The following PBLD variants were observed in gnomAD, a reference collection of about 807,000 sequenced individuals.
PBLD encodes the protein phenazine biosynthesis-like domain-containing protein.
PBLD carries 26 observed loss-of-function variants against 31.3 expected under a neutral mutation model. The observed-to-expected ratio is 0.83, with a 90% CI of 0.61 to 1.15. PBLD has a LOEUF of 1.15. PBLD is among the 50% of genes most tolerant of loss of function. The pLI is 0.00. For synonymous variants in PBLD, 114 were observed against 129.0 expected, an observed-to-expected ratio of 0.88 and a Z score of 0.79; for missense variants, 307 against 351.7, an observed-to-expected ratio of 0.87 and a Z score of 1.02.
intron 1 of PBLD, among the ~76,000 whole-genome samples, chr10:68,322,738 T>C (rs778979279): frequency 3.3e-4 from 50 of 151,530 alleles, no homozygotes; most frequent in South Asian, 1.0e-3. Context: ...CTACCATCAA[T>C]GTAAGATTTG....
At chr10:68,318,346 T>C (rs907441126) in intron 1 of PBLD, among the ~76,000 whole-genome samples, 1 of 127,630 alleles carries the variant, frequency 7.8e-6, no homozygotes, top group African/African-American at 3.0e-5. Flanking sequence ...AAAACCAGTC[T>C]GGGTAACACA....
chr10:68,294,847 C>T (rs2044403938), intron 4 of PBLD, among the ~76,000 whole-genome samples: 1 of 152,234 alleles, frequency 6.6e-6, no homozygotes, highest in Non-Finnish European at 1.5e-5. Flanking sequence ...CCTGCCTTAG[C>T]CTCCTGAGTA....
chr10:68,284,719 A>G (rs2044265954), intron 9 of PBLD, among the ~76,000 whole-genome samples: 1 of 152,242 alleles, frequency 6.6e-6, no homozygotes, highest in Admixed American at 6.5e-5. Context: ...TGAATAGGAC[A>G]GAGGGAGTTC....
At position 68,306,804 on chromosome 10, in the gene PBLD, C is replaced by A; in HGVS notation, c.41G>T (p.Arg14Ile). Residue 14 changes from arginine to isoleucine, a missense_variant, in exon 2 of 10, where the codon AGA (arginine) becomes ATA (isoleucine). By Grantham distance (97) the Arg-to-Ile change is moderately conservative. Coordinates refer to ENST00000358769, the MANE Select transcript of PBLD (RefSeq NM_022129.4). ...PIFIADAFTARAFRGNPAAVC... is the reference protein window; with the variant it reads ...PIFIADAFTAIAFRGNPAAVC... Reference sequence around the variant, plus strand: ...AGCAGCAGGATTCCCACGAAATGCTCTTGCTGTGAATGCATCTGCTATGAA... The same window carrying A: ...AGCAGCAGGATTCCCACGAAATGCTATTGCTGTGAATGCATCTGCTATGAA... 6.2e-7 allele frequency: 1 copy of A among 1,611,066 alleles called. No homozygotes were observed.
chr10:68,313,617 T>C (rs2044699014), intron 1 of PBLD, among the ~76,000 whole-genome samples: 1 of 152,214 alleles, frequency 6.6e-6, no homozygotes, highest in African/African-American at 2.4e-5. Context: ...AATTTAGGAT[T>C]CTCATATTAT....
chr10:68,314,225 C>A (rs2044706418), intron 1 of PBLD, among the ~76,000 whole-genome samples: 3 of 152,118 alleles, frequency 2.0e-5, no homozygotes, highest in Admixed American at 2.0e-4. Flanking sequence ...GATCCGCCCA[C>A]CTCAGCCTCC....
chr10:68,313,584 GA>G (rs2044698524), intron 1 of PBLD, among the ~76,000 whole-genome samples: 1 of 152,054 alleles, frequency 6.6e-6, no homozygotes, highest in African/African-American at 2.4e-5. Context: ...TGATGTTTGG[GA>G]ATTTTTTCAC....
chr10:68,306,884 G>A lies in PBLD; in HGVS notation c.-40C>T. 6.6e-7 allele frequency: 1 copy of A among 1,510,944 alleles called. No homozygotes were observed. Among genetic ancestry groups the A allele is most frequent in the Non-Finnish European group, 9.2e-7 (1 of 1,091,878 alleles). The allele number at this position is 1,510,944 out of a possible 1,614,324, so 93.6% of individuals were successfully genotyped here. A position where few individuals can be genotyped will look rare whatever the true frequency, so the allele number is the denominator to read the frequency against. On this transcript the variant is annotated 5_prime_UTR_variant, in exon 2 of 10. Transcript: ENST00000358769. ...GTTTTTGCAAGTTCTCAAAATTGCT[G>A]GTAGCCTGCTTTACGTCTTCTTCTT...
intron 4 of PBLD, among the ~76,000 whole-genome samples, chr10:68,293,362 G>A (rs2044384076): frequency 6.6e-6 from 1 of 152,126 alleles, no homozygotes; most frequent in Non-Finnish European, 1.5e-5. Flanking sequence ...CACAAATGTT[G>A]GCATCCCATG....
intron 1 of PBLD, among the ~76,000 whole-genome samples, chr10:68,330,251 T>A (rs745865081): frequency 3.3e-5 from 5 of 152,154 alleles, no homozygotes; most frequent in Admixed American, 2.0e-4. Flanking sequence ...TGAGGATGAA[T>A]TAAAGCTTTG....
chr10:68,284,074 AAGTAGACTACTACGC>A lies in PBLD; in HGVS notation c.*88_*102del. On this transcript the variant is annotated 3_prime_UTR_variant, in exon 10 of 10. Coordinates refer to ENST00000358769, the MANE Select transcript of PBLD (RefSeq NM_022129.4). Reference sequence around the variant, plus strand: ...TTTTTCGATTTTTAACATGAGGATTAAGTAGACTACTACGCACATTTGCTAAAGGCAGCCCCTTAC... The same window carrying A: ...TTTTTCGATTTTTAACATGAGGATTAACATTTGCTAAAGGCAGCCCCTTAC... 2 of 1,104,338 alleles carry A rather than the reference AAGTAGACTACTACGC, an allele frequency of 1.8e-6. No homozygotes were observed. Among genetic ancestry groups the A allele is most frequent in the Non-Finnish European group, 2.7e-6 (2 of 754,446 alleles). The allele number at this position is 1,104,338 out of a possible 1,614,324, so 68.4% of individuals were successfully genotyped here.
Position 68,292,089 on chromosome 10 carries a change from G to A in PBLD, c.393+40C>T, listed in dbSNP as rs374708626. 1.5e-5 allele frequency: 24 copies of A among 1,598,878 alleles called. No individual in the cohort carries two copies. The East Asian group carries it at 1.6e-4, about 10-fold the overall frequency. On this transcript the variant is annotated intron_variant, in intron 5 of 9. Transcript: ENST00000358769. ...ATTATTATAAAACAGGAGAGCTGTCGGTTGTAGATGGCTTAGGGCAATAAT... is the reference window on the plus strand; with the variant it reads ...ATTATTATAAAACAGGAGAGCTGTCAGTTGTAGATGGCTTAGGGCAATAAT...
chr10:68,285,452 C>T, intron 8 of PBLD, 42 bp from the exon 9 acceptor site: 9 of 1,557,722 alleles, frequency 5.8e-6, no homozygotes, highest in Non-Finnish European at 7.8e-6. Context: ...CCCAAGAAAA[C>T]AGAGGCGATT....
chr10:68,286,090 T>TTTTTC (rs1271731657), intron 8 of PBLD, among the ~76,000 whole-genome samples: 2 of 137,398 alleles, frequency 1.5e-5, no homozygotes, highest in Non-Finnish European at 3.2e-5. Flanking sequence ...TAATTCTTTT[T>TTTTTC]TTTTTTTTTT....
intron 1 of PBLD, among the ~76,000 whole-genome samples, chr10:68,309,892 T>C (rs989103995): frequency 4.0e-5 from 6 of 149,630 alleles, no homozygotes; most frequent in Non-Finnish European, 7.4e-5. Flanking sequence ...TCCCAACATT[T>C]TGGGAGACTG....
At chr10:68,285,986 A>G (rs182914887) in intron 8 of PBLD, among the ~76,000 whole-genome samples, 51 of 151,786 alleles carry the variant, frequency 3.4e-4, no homozygotes, top group Non-Finnish European at 6.2e-4. Context: ...TGGTCCTTAC[A>G]GTCTCCTAAG....
chr10:68,311,751 C>CAAAAAA (rs987918906), intron 1 of PBLD, among the ~76,000 whole-genome samples: 6 of 59,880 alleles, frequency 1.0e-4, no homozygotes, highest in African/African-American at 1.4e-4. Flanking sequence ...GACCCTGCCT[C>CAAAAAA]AAAAAAAAAA....
intron 1 of PBLD, among the ~76,000 whole-genome samples, chr10:68,323,679 G>A (rs189410062): frequency 0.011 from 1,651 of 152,264 alleles, 16 homozygotes; most frequent in Non-Finnish European, 0.016. Flanking sequence ...AAGTTTTGGA[G>A]CAATTTGTTA....
intron 6 of PBLD, among the ~76,000 whole-genome samples, chr10:68,291,013 A>G (rs2044351777): frequency 6.6e-6 from 1 of 152,204 alleles, no homozygotes; most frequent in African/African-American, 2.4e-5. Flanking sequence ...ATATTCTTTG[A>G]AAACACAGAT....
Sources: allele counts gnomAD v4.1 joint callset (sites outside exome capture counted in the v4.1 genomes callset), GRCh38; gene constraint gnomAD v4.1.1; transcripts MANE v1.5; gene names NCBI Gene and HGNC (gene_info 2026-07-23, HGNC 2026-07-21).